The following SH3D19 variants were observed in gnomAD, a reference collection of about 807,000 sequenced individuals.
SH3D19 encodes the protein SH3 domain-containing protein 19.
In SH3D19, 58 loss-of-function variants were observed where a neutral mutation model predicts 112.1. The observed-to-expected ratio is 0.52, with a 90% CI of 0.42 to 0.64. SH3D19 has a LOEUF of 0.64. Among genes scored for constraint, SH3D19 ranks in the 30% least tolerant of loss-of-function variants. SH3D19 has a pLI of 0.00. For synonymous variants in SH3D19, 391 were observed against 448.5 expected, an observed-to-expected ratio of 0.87 and a Z score of 1.62; for missense variants, 1,090 against 1,263.4, an observed-to-expected ratio of 0.86 and a Z score of 2.08.
At chr4:151,142,559 C>T (rs371247891) in intron 12 of SH3D19, among the ~76,000 whole-genome samples, 4 of 152,232 alleles carry the variant, frequency 2.6e-5, no homozygotes, top group Admixed American at 6.5e-5. Flanking sequence ...AAATAACCAC[C>T]GAAGAAGGTG....
chr4:151,254,570 T>C (rs1405933269), intron 1 of SH3D19, among the ~76,000 whole-genome samples: 1 of 147,674 alleles, frequency 6.8e-6, no homozygotes, highest in Non-Finnish European at 1.5e-5. Flanking sequence ...AAGCACATCT[T>C]GCACCGCCCT....
chr4:151,269,915 T>C (rs1407866801), intron 1 of SH3D19, among the ~76,000 whole-genome samples: 3 of 152,190 alleles, frequency 2.0e-5, no homozygotes, highest in Non-Finnish European at 4.4e-5. Context: ...GGATCATCAG[T>C]ATCACTGTCT....
At position 151,194,016 on chromosome 4, in the gene SH3D19, A is replaced by ATTTT. The variant is rs201719037; in HGVS notation, c.153-6557_153-6554dup. Among the ~76,000 whole-genome samples the ATTTT allele has an allele frequency of 9.1e-3, 1,021 of 111,722 alleles. 55 individuals are homozygous for ATTTT. Among genetic ancestry groups the ATTTT allele is most frequent in the African/African-American group, 0.014 (309 of 22,440 alleles). The allele number at this position is 111,722 out of a possible 152,430, so 73.3% of individuals were successfully genotyped here. ...GATGTGTAGCAGTATAGTAGGATTA[A>ATTTT]TTTTTTTTTTTTTTTTTTTTTTTTT... On this transcript the variant is annotated intron_variant, in intron 2 of 19. Transcript: ENST00000604030.
At chr4:151,187,156 C>A (rs1457142485) in intron 3 of SH3D19, among the ~76,000 whole-genome samples, 43 of 149,580 alleles carry the variant, frequency 2.9e-4, no homozygotes, top group East Asian at 7.9e-4. Flanking sequence ...AAAAAAAAAA[C>A]AAACAGCTTT....
chr4:151,273,752 C>T (rs534645946), intron 1 of SH3D19, among the ~76,000 whole-genome samples: 5 of 152,144 alleles, frequency 3.3e-5, no homozygotes, highest in East Asian at 1.9e-4. Context: ...AATAAGCTAC[C>T]TTTACTCTAA....
chr4:151,136,112 G>GTAT (rs1342065910), intron 14 of SH3D19, among the ~76,000 whole-genome samples: 20 of 152,178 alleles, frequency 1.3e-4, no homozygotes, highest in African/African-American at 4.8e-4. Flanking sequence ...AAAGGAATCT[G>GTAT]TATTTAGCAA....
intron 1 of SH3D19, among the ~76,000 whole-genome samples, chr4:151,229,853 T>C (rs1769464415): frequency 3.9e-5 from 6 of 152,092 alleles, no homozygotes; most frequent in Admixed American, 3.9e-4. Context: ...AGATGAAGGG[T>C]GCAGTGAGCC....
In SH3D19 at chr4:151,148,012, G is replaced by C; in HGVS notation, c.1992C>G (p.Leu664=). ...TAAAAACTTGACTCTTGGCTTTTGA[G>C]AGTCCAGTTGCCAAGTTACTTTGTT... is the stretch of plus-strand genomic sequence containing the variant. ...QKKQSNLATG[L]SKAKSQVFKN... The change falls in exon 11 of 20, where the codon CTC becomes CTG. Residue 664 remains leucine, a synonymous_variant. Coordinates refer to ENST00000604030, the MANE Select transcript of SH3D19 (RefSeq NM_001378122.1). 2.5e-6 allele frequency: 4 copies of C among 1,614,134 alleles called. No homozygotes were observed. The highest frequency in any genetic ancestry group is 3.4e-6 in the Non-Finnish European group (4 of 1,180,022).
At chr4:151,214,442 C>T (rs527531662) in intron 2 of SH3D19, among the ~76,000 whole-genome samples, 1 of 14,174 alleles carries the variant, frequency 7.1e-5, no homozygotes, top group South Asian at 1.7e-3. Context: ...CCGGACGAGG[C>T]TGCTGGCCGG....
chr4:151,178,211 T>G (rs1240746329), intron 4 of SH3D19, among the ~76,000 whole-genome samples: 1 of 152,200 alleles, frequency 6.6e-6, no homozygotes, highest in Non-Finnish European at 1.5e-5. Context: ...CATGTTTAAA[T>G]TTTCTCTTAA....
intron 1 of SH3D19, among the ~76,000 whole-genome samples, chr4:151,264,704 T>C (rs1444154602): frequency 6.6e-6 from 1 of 152,134 alleles, no homozygotes; most frequent in African/African-American, 2.4e-5. Context: ...TTACTAGAGA[T>C]ATTTCCAAAA....
intron 2 of SH3D19, 29 bp downstream of exon 2, chr4:151,226,018 C>CTA (rs1471118099): frequency 8.2e-7 from 1 of 1,221,826 alleles, no homozygotes; most frequent in African/African-American, 1.6e-5. Context: ...AAGCTTTATA[C>CTA]AGAATTATTA....
rs1006196809 is a variant in SH3D19 at position 151,175,129 on chromosome 4, T to A, written c.1075A>T (p.Thr359Ser). Residue 359 changes from threonine to serine, a missense_variant, in exon 7 of 20, where the codon ACC (threonine) becomes TCC (serine). Transcript: ENST00000604030. ...TATGGGGTGAGTCCTTCCTTGGAGGTCACCTTGAGTCTGTTCTCAGTCCCA... is the reference window on the plus strand; with the variant it reads ...TATGGGGTGAGTCCTTCCTTGGAGGACACCTTGAGTCTGTTCTCAGTCCCA... ...DSGTENRLKV[T>S]SKEGLTPYPP... 2 of 1,613,994 alleles carry A rather than the reference T, an allele frequency of 1.2e-6. No homozygotes were observed. Among genetic ancestry groups the A allele is most frequent in the Non-Finnish European group, 8.5e-7 (1 of 1,179,978 alleles).
rs759365990 is a variant in SH3D19 at position 151,150,184 on chromosome 4, C to CAAAAAAAA, written c.1756-631_1756-624dup. Among the ~76,000 whole-genome samples, 63 of 7,200 alleles carry CAAAAAAAA rather than the reference C, an allele frequency of 8.8e-3. 19 individuals are homozygous for CAAAAAAAA. The highest frequency in any genetic ancestry group is 0.011 in the South Asian group (1 of 90). 4.7% of individuals were successfully genotyped at this position (7,200 alleles called of 152,430 possible). On this transcript the variant is annotated intron_variant, in intron 9 of 19. Coordinates refer to ENST00000604030, the MANE Select transcript of SH3D19 (RefSeq NM_001378122.1). ...TGGGCAACAGAGCAAGACTCCATCT[C>CAAAAAAAA]AAAAAAAAAAAAAAAAAAAAAAATA...
At chr4:151,199,470 T>C (rs1302822268) in intron 2 of SH3D19, among the ~76,000 whole-genome samples, 2 of 152,152 alleles carry the variant, frequency 1.3e-5, no homozygotes, top group Non-Finnish European at 2.9e-5. Context: ...TGGGGCATAA[T>C]ATTGTGGGTG....
intron 1 of SH3D19, among the ~76,000 whole-genome samples, chr4:151,267,170 A>T (rs58284585): frequency 0.041 from 4,367 of 105,678 alleles, 212 homozygotes; most frequent in African/African-American, 0.13. Context: ...AAAAAAAAAA[A>T]AATAAATAAA....
chr4:151,266,291 A>C (rs758196902), intron 1 of SH3D19: 2 of 152,224 alleles, frequency 1.3e-5, no homozygotes, highest in African/African-American at 4.8e-5. Flanking sequence ...ATCAGATTCT[A>C]AGCTGTTAAG....
chr4:151,174,466 C>T (rs1759583341), intron 7 of SH3D19, among the ~76,000 whole-genome samples: 1 of 152,170 alleles, frequency 6.6e-6, no homozygotes, highest in Admixed American at 6.5e-5. Context: ...TTTTCCCTTC[C>T]CTCCCTGTCT....
intron 19 of SH3D19, among the ~76,000 whole-genome samples, chr4:151,123,232 T>C (rs1051188329): frequency 6.6e-6 from 1 of 152,328 alleles, no homozygotes; most frequent in Admixed American, 6.5e-5. Context: ...CAGTGTCGCA[T>C]GTCTAGTTAG....
Sources: allele counts gnomAD v4.1 joint callset (sites outside exome capture counted in the v4.1 genomes callset), GRCh38; gene constraint gnomAD v4.1.1; transcripts MANE v1.5; gene names NCBI Gene and HGNC (gene_info 2026-07-23, HGNC 2026-07-21).